ZMYND11: variants seen among roughly 807,000 people sequenced by gnomAD.
The protein encoded by ZMYND11 is zinc finger MYND domain-containing protein 11.
ZMYND11 carries 9 observed loss-of-function variants against 84.9 expected under a neutral mutation model. The ratio of observed to expected loss-of-function variants is 0.11; its 90% CI spans 0.06 to 0.18. The LOEUF (loss-of-function observed/expected upper bound fraction) is 0.18. Ranked by LOEUF, ZMYND11 falls within the 10% of genes least tolerant of loss-of-function variation. The pLI is 1.00. For missense variants in ZMYND11, 409 were observed against 761.0 expected (o/e 0.54, Z 5.44); for synonymous variants, 250 against 244.1 (o/e 1.02, Z -0.23).
intron 3 of ZMYND11, among the ~76,000 whole-genome samples, chr10:215,561 G>GTT (rs764307085): frequency 5.8e-5 from 8 of 138,340 alleles, no homozygotes; most frequent in African/African-American, 1.1e-4. Context: ...TTTGTTTTTT[G>GTT]TTTTTTTTTT....
rs144617218 is a variant in ZMYND11 at position 145,269 on chromosome 10, T to C, written c.-20+9710T>C. On this transcript the variant is annotated intron_variant, in intron 1 of 14. Coordinates refer to ENST00000381604, the MANE Select transcript of ZMYND11 (RefSeq NM_001370100.5). ...ATGTATATATATATATGTATATATA[T>C]ATCACTTTTTCTTTTTCCATTTATT... 4.8e-3 allele frequency among the ~76,000 whole-genome samples: 730 copies of C among 151,644 alleles called. 6 individuals carry two copies. Among genetic ancestry groups the C allele is most frequent in the Non-Finnish European group, 5.5e-3 (372 of 67,924 alleles).
At position 209,050 on chromosome 10, in the gene ZMYND11, T is replaced by TAG. The variant is rs765368955; in HGVS notation, c.117-825_117-824dup. On this transcript the variant is annotated intron_variant, in intron 2 of 14. Coordinates refer to ENST00000381604, the MANE Select transcript of ZMYND11 (RefSeq NM_001370100.5). Reference sequence around the variant, plus strand: ...ATATATGTATATGTATATATATATATAGAGAGAGAGAGAGATCAGCGTTGA... The same window carrying TAG: ...ATATATGTATATGTATATATATATATAGAGAGAGAGAGAGAGATCAGCGTTGA... Among the ~76,000 whole-genome samples the TAG allele has an allele frequency of 5.2e-4, 78 of 150,842 alleles. 1 individual carries two copies. Among genetic ancestry groups the TAG allele is most frequent in the Middle Eastern group, 3.4e-3 (1 of 292 alleles).
At position 218,557 on chromosome 10, in the gene ZMYND11, T is replaced by C; in HGVS notation, c.277-2638T>C. ...TAATTCTGCTTTATTTTTTGTATTGTAGTTTCTCTTTTACCTTAGGCTAGC... is the reference window on the plus strand; with the variant it reads ...TAATTCTGCTTTATTTTTTGTATTGCAGTTTCTCTTTTACCTTAGGCTAGC... On this transcript the variant is annotated intron_variant, in intron 3 of 14. Coordinates refer to ENST00000381604, the MANE Select transcript of ZMYND11 (RefSeq NM_001370100.5). The C allele has an allele frequency of 1.4e-5, 4 of 284,514 alleles. No individual in the cohort carries two copies. The South Asian group carries it at 1.4e-4, about 10-fold the overall frequency. The allele number at this position is 284,514 out of a possible 1,614,324, so 17.6% of individuals were successfully genotyped here. A position where few individuals can be genotyped will look rare whatever the true frequency, so the allele number is the denominator to read the frequency against.
chr10:247,837 T>G (rs1952482557), intron 12 of ZMYND11, among the ~76,000 whole-genome samples: 1 of 152,204 alleles, frequency 6.6e-6, no homozygotes, highest in South Asian at 2.1e-4. Flanking sequence ...ATTTAAAAAC[T>G]TGAAGGAGAC....
chr10:202,685 G>C (rs1178766848), intron 2 of ZMYND11, among the ~76,000 whole-genome samples: 6 of 152,102 alleles, frequency 3.9e-5, no homozygotes, highest in Non-Finnish European at 1.5e-5. Context: ...CTGTGAAAGG[G>C]CTCCCTCATT....
chr10:182,696 G>T (rs1564333583), intron 2 of ZMYND11, among the ~76,000 whole-genome samples: 1 of 152,140 alleles, frequency 6.6e-6, no homozygotes, highest in Non-Finnish European at 1.5e-5. Context: ...CTCCAAGAAA[G>T]AACTGTCTAG....
At chr10:217,940 A>C (rs969350488) in intron 3 of ZMYND11, among the ~76,000 whole-genome samples, 3 of 152,196 alleles carry the variant, frequency 2.0e-5, no homozygotes, top group African/African-American at 7.2e-5. Flanking sequence ...CTGCTGCTAG[A>C]GGTGGATTTT....
chr10:135,821 C>T lies in ZMYND11; in HGVS notation c.-20+262C>T, dbSNP rs1297374202. ...CCGGCCCGCGCCCACTCGCCTTGGG[C>T]GGCCGCGGAAGAGGCCCCGGGATGA... On this transcript the variant is annotated intron_variant, in intron 1 of 14. Coordinates refer to ENST00000381604, the MANE Select transcript of ZMYND11 (RefSeq NM_001370100.5). The surrounding 1 kb of genome is among the most constrained non-coding windows in gnomAD (Gnocchi z 5.6). Among the ~76,000 whole-genome samples the T allele has an allele frequency of 3.3e-5, 5 of 149,546 alleles. No individual in the cohort carries two copies. Among genetic ancestry groups the T allele is most frequent in the Non-Finnish European group, 6.0e-5 (4 of 67,066 alleles).
chr10:196,322 G>A (rs991644384), intron 2 of ZMYND11, among the ~76,000 whole-genome samples: 4 of 152,162 alleles, frequency 2.6e-5, no homozygotes, highest in Non-Finnish European at 5.9e-5. Flanking sequence ...TCTATTCAGT[G>A]TTATCAAGAG....
rs146700188 is a variant in ZMYND11, at chr10:232,492, C to T, written c.439-4346C>T. Reference sequence around the variant, plus strand: ...AGGGATTTTGGTTCTGTCGAGAGTCCTCTTTTTTGTTTGTGTCAGTTCAGC... The same window carrying T: ...AGGGATTTTGGTTCTGTCGAGAGTCTTCTTTTTTGTTTGTGTCAGTTCAGC... On this transcript the variant is annotated intron_variant, in intron 4 of 14. Transcript: ENST00000381604. Among the ~76,000 whole-genome samples the T allele has an allele frequency of 2.0e-5, 3 of 152,288 alleles. No homozygotes were observed. In the East Asian group the frequency reaches 5.8e-4, roughly 29 times the overall value.
intron 6 of ZMYND11, among the ~76,000 whole-genome samples, chr10:238,620 T>A (rs1950379019): frequency 6.6e-6 from 1 of 152,188 alleles, no homozygotes; most frequent in Non-Finnish European, 1.5e-5. Context: ...CCTCCCAAAG[T>A]GCTGGGATTA....
chr10:178,218 C>A (rs544628292), intron 1 of ZMYND11, among the ~76,000 whole-genome samples: 1 of 152,276 alleles, frequency 6.6e-6, no homozygotes, highest in East Asian at 1.9e-4. Flanking sequence ...TGTCAAATTT[C>A]CTCTGCCAGT....
chr10:249,979 T>G (rs1276767672), intron 14 of ZMYND11, among the ~76,000 whole-genome samples: 1 of 152,174 alleles, frequency 6.6e-6, no homozygotes, highest in Admixed American at 6.5e-5. Context: ...CCAGGAGATC[T>G]GTGGAGGGAA....
chr10:195,615 GACAAC>G (rs1277534973), intron 2 of ZMYND11, among the ~76,000 whole-genome samples: 11 of 152,138 alleles, frequency 7.2e-5, no homozygotes, highest in African/African-American at 2.7e-4. Context: ...TTCAAAAACA[GACAAC>G]ACTGCACAGC....
chr10:162,410 A>G (rs563477228), intron 1 of ZMYND11, among the ~76,000 whole-genome samples: 6 of 152,214 alleles, frequency 3.9e-5, no homozygotes, highest in Admixed American at 3.9e-4. Flanking sequence ...AGGGCAGTAG[A>G]CTTGCTTGAC....
intron 7 of ZMYND11, 102 bp downstream of exon 7, chr10:239,627 C>T: frequency 1.2e-6 from 1 of 827,994 alleles, no homozygotes; most frequent in Middle Eastern, 2.5e-4. Context: ...AGAATTAATA[C>T]CTTAATGATC....
intron 2 of ZMYND11, among the ~76,000 whole-genome samples, chr10:205,019 T>C (rs1943880689): frequency 6.6e-6 from 1 of 152,126 alleles, no homozygotes; most frequent in Admixed American, 6.5e-5. Flanking sequence ...CTTGCTTTCC[T>C]ATGATTGTGC....
intron 1 of ZMYND11, among the ~76,000 whole-genome samples, chr10:164,881 G>A (rs1843639998): frequency 6.6e-6 from 1 of 152,066 alleles, no homozygotes; most frequent in Admixed American, 6.6e-5. Context: ...AACTAAAATA[G>A]TTGACAGTGA....
chr10:143,466 A>C (rs1554754428), intron 1 of ZMYND11, among the ~76,000 whole-genome samples: 1 of 152,216 alleles, frequency 6.6e-6, no homozygotes, highest in African/African-American at 2.4e-5. Flanking sequence ...GAATTTTGAC[A>C]TGGAGCCCTT....
Sources: gnomAD v4.1 joint callset for allele counts (sites outside exome capture counted in the v4.1 genomes callset) on GRCh38, gnomAD v4.1.1 for gene constraint, Gnocchi (gnomAD v3.1) non-coding constraint, MANE v1.5 for transcripts, NCBI Gene and HGNC (gene_info 2026-07-23, HGNC 2026-07-21) for gene names.